The following ZNF506 variants were observed in gnomAD, a reference collection of about 807,000 sequenced individuals.
ZNF506 encodes the protein zinc finger protein 506.
ZNF506 carries 10 observed loss-of-function variants against 11.6 expected under a neutral mutation model. That is an observed-to-expected ratio of 0.86 (90% CI 0.53 to 1.46). ZNF506 has a LOEUF of 1.46. Among genes scored for constraint, ZNF506 ranks in the 40% most tolerant of loss-of-function variants. The pLI, the probability that ZNF506 is intolerant of heterozygous loss-of-function variation, is 0.00. For synonymous variants in ZNF506, 156 were observed against 173.3 expected (o/e 0.90, Z 0.78); for missense variants, 425 against 521.2 (o/e 0.82, Z 1.80).
rs116324412 is a variant in ZNF506, at chr19:19,793,310, T to A, written c.*1242A>T. On this transcript the variant is annotated 3_prime_UTR_variant, in exon 4 of 4. Coordinates refer to ENST00000540806, the MANE Select transcript of ZNF506 (RefSeq NM_001099269.3). ...AATTCTCATATTTACGTAAAATCAA[T>A]TTTGAATTAAATATTTTTTTCATAT... Among the ~76,000 whole-genome samples, 8,597 of 152,280 alleles carry A rather than the reference T, an allele frequency of 0.056. 430 individuals are homozygous for A. Among genetic ancestry groups the A allele is most frequent in the African/African-American group, 0.13 (5,591 of 41,538 alleles).
chr19:19,806,861 A>G, intron 2 of ZNF506, 81 bp downstream of exon 2: 1 of 1,515,208 alleles, frequency 6.6e-7, no homozygotes, highest in Non-Finnish European at 8.9e-7. Flanking sequence ...CAAAGAATAA[A>G]TTACTAAAAA....
At chr19:19,800,677 A>G (rs1174086744) in intron 3 of ZNF506, among the ~76,000 whole-genome samples, 1 of 151,412 alleles carries the variant, frequency 6.6e-6, no homozygotes, top group East Asian at 2.0e-4. Flanking sequence ...GGCCTCCCGA[A>G]GTGCTGGGAC....
chr19:19,805,748 T>C (rs1304835191), intron 3 of ZNF506, among the ~76,000 whole-genome samples: 1 of 152,170 alleles, frequency 6.6e-6, no homozygotes, highest in Admixed American at 6.5e-5. Context: ...TTGTGCAGTC[T>C]CTTATCTGTC....
intron 1 of ZNF506, among the ~76,000 whole-genome samples, chr19:19,807,719 G>C (rs1203399981): frequency 6.6e-6 from 1 of 152,034 alleles, no homozygotes; most frequent in Non-Finnish European, 1.5e-5. Flanking sequence ...ATGTTGGTCA[G>C]GCTGCTCTTG....
chr19:19,811,871 G>A (rs1046032131), intron 1 of ZNF506, among the ~76,000 whole-genome samples: 11 of 152,112 alleles, frequency 7.2e-5, no homozygotes, highest in African/African-American at 2.4e-4. Context: ...ATATAAAGTG[G>A]CCTAAATAAA....
At chr19:19,810,097 T>C (rs10419635) in intron 1 of ZNF506, among the ~76,000 whole-genome samples, 40,917 of 152,096 alleles carry the variant, frequency 0.27, 6,352 homozygotes, top group African/African-American at 0.42. Context: ...TTATGTAGTG[T>C]GATTTTGCAG....
rs755786763 is a variant in ZNF506 at position 19,794,529 on chromosome 19, A to T, written c.*23T>A. The T allele has an allele frequency of 2.0e-5, 32 of 1,562,270 alleles. No homozygotes were observed. The Admixed American group carries it at 6.1e-4, about 30-fold the overall frequency. On this transcript the variant is annotated 3_prime_UTR_variant, in exon 4 of 4. Transcript: ENST00000540806. ...AGGCTTTCCCACATTCATCACATTC[A>T]TACGGTTTCTCTCCAGTATGAATTA... is the stretch of plus-strand genomic sequence containing the variant.
chr19:19,796,816 G>A (rs2062746239), intron 3 of ZNF506: 1 of 152,188 alleles, frequency 6.6e-6, no homozygotes, highest in Non-Finnish European at 1.5e-5. Flanking sequence ...AGAAACTGCA[G>A]TATCCCAAAC....
intron 1 of ZNF506, among the ~76,000 whole-genome samples, chr19:19,811,494 CT>C (rs1477899056): frequency 1.3e-5 from 2 of 152,092 alleles, no homozygotes; most frequent in African/African-American, 4.8e-5. Flanking sequence ...AATACGTACA[CT>C]TAAAGAAAAA....
At chr19:19,819,279 A>G (rs755825931) in intron 1 of ZNF506, among the ~76,000 whole-genome samples, 1 of 152,004 alleles carries the variant, frequency 6.6e-6, no homozygotes, top group Non-Finnish European at 1.5e-5. Context: ...TTTTCCCCTC[A>G]ATACCAGCAT....
intron 1 of ZNF506, among the ~76,000 whole-genome samples, chr19:19,807,531 A>G (rs1248712095): frequency 6.6e-6 from 1 of 151,890 alleles, no homozygotes; most frequent in Non-Finnish European, 1.5e-5. Flanking sequence ...TTATAGATGG[A>G]GTTTCGCTCT....
intron 3 of ZNF506, among the ~76,000 whole-genome samples, chr19:19,800,406 A>ATATT (rs1555771305): frequency 1.4e-5 from 2 of 144,424 alleles, no homozygotes; most frequent in African/African-American, 5.2e-5. Flanking sequence ...ATATATATAT[A>ATATT]TATATATTTA....
intron 3 of ZNF506, chr19:19,799,589 C>T: frequency 4.2e-6 from 2 of 476,920 alleles, no homozygotes; most frequent in Non-Finnish European, 7.3e-6. Flanking sequence ...AGAAATGATA[C>T]AATACACTCT....
In ZNF506 at chr19:19,794,267, G is replaced by T; in HGVS notation, c.*285C>A. ...AGAAGTTGCAGTGAGCTGAGATCGT[G>T]CCATTGCACTCCAGCCTGGGTGACA... is the stretch of plus-strand genomic sequence containing the variant. On this transcript the variant is annotated 3_prime_UTR_variant, in exon 4 of 4. Coordinates refer to ENST00000540806, the MANE Select transcript of ZNF506 (RefSeq NM_001099269.3). 1 of 254,198 alleles carries T rather than the reference G, an allele frequency of 3.9e-6. No individual in the cohort carries two copies. Among genetic ancestry groups the T allele is most frequent in the Middle Eastern group, 1.3e-3 (1 of 768 alleles). The allele number at this position is 254,198 out of a possible 1,614,324, so 15.7% of individuals were successfully genotyped here. A position where few individuals can be genotyped will look rare whatever the true frequency, so the allele number is the denominator to read the frequency against.
At chr19:19,814,180 G>A (rs2062908516) in intron 1 of ZNF506, among the ~76,000 whole-genome samples, 1 of 151,816 alleles carries the variant, frequency 6.6e-6, no homozygotes, top group African/African-American at 2.4e-5. Context: ...AGGCCAAGGG[G>A]GGTGGATCAC....
intron 2 of ZNF506, 96 bp from the exon 3 acceptor site, chr19:19,806,222 A>C: frequency 2.3e-6 from 2 of 884,396 alleles, no homozygotes; most frequent in South Asian, 5.4e-5. Context: ...AAAGTATTCT[A>C]GTAAATTAAT....
At chr19:19,816,591 C>T (rs973248925) in intron 1 of ZNF506, among the ~76,000 whole-genome samples, 15 of 152,204 alleles carry the variant, frequency 9.9e-5, no homozygotes, top group African/African-American at 3.6e-4. Flanking sequence ...ATCTCCTGAC[C>T]TCGTGATTCA....
In ZNF506 at chr19:19,795,354, T is replaced by C. The variant is rs776921383; in HGVS notation, c.533A>G (p.Tyr178Cys). The change falls in exon 4 of 4, where the codon TAT becomes TGT. Residue 178 changes from tyrosine to cysteine, a missense_variant. Tyr to Cys is a radical substitution (Grantham distance 194). Around this residue, in one of 3 missense-constraint regions of ZNF506, gnomAD observed 226 missense variants for 279.1 expected, o/e 0.81. Transcript: ENST00000540806. Reference protein sequence around the residue: ...TGKKSFKCIEYGKTFNQSSTR... With the variant: ...TGKKSFKCIECGKTFNQSSTR... The stretch of plus-strand genomic sequence containing the variant: ...TGAAGACTGGTTAAAAGTTTTCCCA[T>C]ATTCTATACATTTAAAAGATTTTTT... The C allele has an allele frequency of 7.4e-6, 12 of 1,611,094 alleles. No homozygotes were observed. The South Asian group carries it at 1.2e-4, about 16-fold the overall frequency.
At chr19:19,810,975 A>G (rs2062878832) in intron 1 of ZNF506, among the ~76,000 whole-genome samples, 1 of 151,932 alleles carries the variant, frequency 6.6e-6, no homozygotes, top group African/African-American at 2.4e-5. Context: ...GGGCAGGGTG[A>G]AGACACTATG....
Sources: gnomAD v4.1 joint callset for allele counts (sites outside exome capture counted in the v4.1 genomes callset) on GRCh38, gnomAD v4.1.1 for gene constraint, gnomAD v4.1.1 regional missense constraint, MANE v1.5 for transcripts, NCBI Gene and HGNC (gene_info 2026-07-23, HGNC 2026-07-21) for gene names.